The following PBX4 variants were observed in gnomAD, a reference collection of about 807,000 sequenced individuals.
PBX4 encodes pre-B-cell leukemia transcription factor 4.
Under a neutral mutation model 35.1 loss-of-function variants are expected in PBX4, and 26 were observed. The ratio of observed to expected loss-of-function variants is 0.74; its 90% CI spans 0.54 to 1.03. The LOEUF is 1.03. PBX4 is among the 50% of genes least tolerant of loss of function. The pLI, the probability that PBX4 is intolerant of heterozygous loss-of-function variation, is 0.00. For missense variants in PBX4, 448 were observed against 504.3 expected, an observed-to-expected ratio of 0.89 and a Z score of 1.07; for synonymous variants, 199 against 204.2, an observed-to-expected ratio of 0.97 and a Z score of 0.22.
chr19:19,600,790 C>G (rs1280741402), intron 1 of PBX4, among the ~76,000 whole-genome samples: 1 of 146,260 alleles, frequency 6.8e-6, no homozygotes. Context: ...GAACTCCAGC[C>G]TGGGCAACAG....
intron 2 of PBX4, among the ~76,000 whole-genome samples, chr19:19,572,475 T>C (rs1179505831): frequency 2.6e-5 from 4 of 152,042 alleles, no homozygotes; most frequent in Non-Finnish European, 5.9e-5. Flanking sequence ...GTCCCTTTCT[T>C]ATTCCCTACA....
At position 19,569,493 on chromosome 19, in the gene PBX4, C is replaced by T. The variant is rs1323959579; in HGVS notation, c.724G>A (p.Ala242Thr). The stretch of plus-strand genomic sequence containing the variant: ...CCCTTCCTGGCCAGCTCTTCTTTGG[C>T]TTCTTCGCTGGGGTAAGGGTTGTTC... ...HLNNPYPSEEAKEELARKGGL... is the reference protein window; with the variant it reads ...HLNNPYPSEETKEELARKGGL... Residue 242 changes from alanine to threonine, a missense_variant, in exon 5 of 8, where the codon GCC (alanine) becomes ACC (threonine). Transcript: ENST00000251203. 1 of 1,613,688 alleles carries T rather than the reference C, an allele frequency of 6.2e-7. No homozygotes were observed. Among genetic ancestry groups the T allele is most frequent in the Admixed American group, 1.7e-5 (1 of 59,958 alleles).
intron 2 of PBX4, among the ~76,000 whole-genome samples, chr19:19,594,106 A>AAAAAT (rs376246400): frequency 6.9e-6 from 1 of 145,224 alleles, no homozygotes. Flanking sequence ...AAAATAAAAA[A>AAAAAT]TAAAAAATTA....
chr19:19,596,147 T>C (rs1568392874), intron 2 of PBX4, among the ~76,000 whole-genome samples: 1 of 151,996 alleles, frequency 6.6e-6, no homozygotes. Flanking sequence ...ATCCCAGCAC[T>C]TTGGGAGGCT....
Position 19,570,810 on chromosome 19 carries a change from C to T in PBX4, c.217G>A (p.Asp73Asn). ...AGCTGGGCGTCAGGGGGATCTTCGT[C>T]TTGAATGCCACGGATGCTTACCACT... The part of the protein sequence containing the change: ...KTVVSIRGIQ[D>N]EDPPDAQLLR... The change falls in exon 3 of 8, where the codon GAC becomes AAC. Residue 73 changes from aspartate to asparagine, a missense_variant. By Grantham distance (23) the Asp-to-Asn change is conservative. Coordinates refer to ENST00000251203, the MANE Select transcript of PBX4 (RefSeq NM_025245.3). 6.2e-7 allele frequency: 1 copy of T among 1,614,070 alleles called. No individual in the cohort carries two copies. The highest frequency in any genetic ancestry group is 8.5e-7 in the Non-Finnish European group (1 of 1,180,032).
intron 2 of PBX4, among the ~76,000 whole-genome samples, chr19:19,589,939 T>C (rs539771204): frequency 6.6e-6 from 1 of 152,102 alleles, no homozygotes; most frequent in African/African-American, 2.4e-5. Context: ...TTTCCGTCAG[T>C]GGTTAAGCCC....
intron 2 of PBX4, among the ~76,000 whole-genome samples, chr19:19,588,608 AAAC>A (rs1166686817): frequency 1.3e-5 from 2 of 152,166 alleles, no homozygotes; most frequent in Non-Finnish European, 2.9e-5. Context: ...CTCTAATTTC[AAAC>A]AACAACAAAT....
chr19:19,611,206 G>C (rs1190045680), intron 1 of PBX4, among the ~76,000 whole-genome samples: 2 of 152,084 alleles, frequency 1.3e-5, no homozygotes, highest in African/African-American at 4.8e-5. Context: ...CACATTTCAG[G>C]TATCAGTTCA....
intron 2 of PBX4, among the ~76,000 whole-genome samples, chr19:19,583,169 C>T (rs549230566): frequency 4.8e-4 from 73 of 152,146 alleles, no homozygotes; most frequent in African/African-American, 1.8e-3. Context: ...ATCCCAGCTA[C>T]TTGGGAGGCT....
At chr19:19,604,554 G>A (rs1411899089) in intron 1 of PBX4, among the ~76,000 whole-genome samples, 1 of 133,464 alleles carries the variant, frequency 7.5e-6, no homozygotes, top group Non-Finnish European at 1.6e-5. Flanking sequence ...GGGATGAGAT[G>A]ACATATGAAC....
chr19:19,570,267 G>A lies in PBX4; in HGVS notation c.474C>T (p.Asn158=), dbSNP rs200663780. Residue 158 remains asparagine (N), a synonymous_variant, in exon 4 of 8, where the codon AAC becomes AAT. Coordinates refer to ENST00000251203, the MANE Select transcript of PBX4 (RefSeq NM_025245.3). ...TCATCCTGCTCTGCTCCTGGAGGAG[G>A]TTGGTGACGTGCGTGGTGAACTCAC... ...ACREFTTHVT[N]LLQEQSRMRP... The A allele has an allele frequency of 1.2e-4, 192 of 1,612,152 alleles. No homozygotes were observed. Among genetic ancestry groups the A allele is most frequent in the Non-Finnish European group, 1.6e-4 (191 of 1,178,948 alleles).
chr19:19,583,391 A>G (rs1403422034), intron 2 of PBX4, among the ~76,000 whole-genome samples: 1 of 152,012 alleles, frequency 6.6e-6, no homozygotes, highest in Non-Finnish European at 1.5e-5. Context: ...TGGGAAGATC[A>G]CTTCAGCTCA....
intron 1 of PBX4, among the ~76,000 whole-genome samples, chr19:19,610,744 G>A (rs1010325328): frequency 2.6e-5 from 4 of 152,136 alleles, no homozygotes; most frequent in Admixed American, 6.6e-5. Flanking sequence ...GATAGAGCAA[G>A]ACTCTGTGTC....
intron 1 of PBX4, among the ~76,000 whole-genome samples, chr19:19,603,996 A>C (rs1012852193): frequency 6.6e-6 from 1 of 151,528 alleles, no homozygotes; most frequent in Non-Finnish European, 1.5e-5. Flanking sequence ...ATGTGCATGT[A>C]GCAGAACTTC....
Position 19,563,354 on chromosome 19 carries a change from A to G in PBX4, c.1032+155T>C, listed in dbSNP as rs1283345296. Among the ~76,000 whole-genome samples the G allele has an allele frequency of 2.0e-5, 3 of 152,152 alleles. No individual in the cohort carries two copies. The highest frequency in any genetic ancestry group is 7.2e-5 in the African/African-American group (3 of 41,424). ...CAGTCATTACAGAGTGGGGCCCTGC[A>G]GAGCTGTGCCCCAGAGGTGGCCGCG... On this transcript the variant is annotated intron_variant, in intron 7 of 7. Coordinates refer to ENST00000251203, the MANE Select transcript of PBX4 (RefSeq NM_025245.3). This position sits in a 1 kb window ranked among gnomAD's most constrained non-coding sequence, Gnocchi z 5.1.
intron 2 of PBX4, among the ~76,000 whole-genome samples, chr19:19,577,837 G>GGGAGACTCCAGCCTGGCA (rs2061429689): frequency 6.8e-6 from 1 of 146,336 alleles, no homozygotes; most frequent in Non-Finnish European, 1.5e-5. Flanking sequence ...CCAGCCTGGC[G>GGGAGACTCCAGCCTGGCA]ACAAAGGGAG....
At chr19:19,615,345 TAA>T (rs564649103) in intron 1 of PBX4, among the ~76,000 whole-genome samples, 4 of 127,340 alleles carry the variant, frequency 3.1e-5, no homozygotes, top group Non-Finnish European at 3.4e-5. Context: ...CGGCCTTATA[TAA>T]AAAAAAAAAA....
rs1459773330 is a variant in PBX4, at chr19:19,563,877, G to T, written c.926-262C>A. The T allele has an allele frequency of 9.0e-6, 3 of 334,428 alleles. No homozygotes were observed. Among genetic ancestry groups the T allele is most frequent in the Admixed American group, 4.4e-5 (1 of 22,988 alleles). 20.7% of individuals were successfully genotyped at this position (334,428 alleles called of 1,614,324 possible). A position where few individuals can be genotyped will look rare whatever the true frequency, so the allele number is the denominator to read the frequency against. ...GGCTTGAGTGCAGTGGCACGATCTT[G>T]GCTCACTGCAAGCTCTGCCTCCCAG... is the stretch of plus-strand genomic sequence containing the variant. On this transcript the variant is annotated intron_variant, in intron 6 of 7. Transcript: ENST00000251203. The surrounding 1 kb of genome is among the most constrained non-coding windows in gnomAD (Gnocchi z 5.1).
chr19:19,612,069 G>T (rs1209843214), intron 1 of PBX4, among the ~76,000 whole-genome samples: 1 of 152,052 alleles, frequency 6.6e-6, no homozygotes, highest in Non-Finnish European at 1.5e-5. Context: ...AGGAGTTCTA[G>T]ACCAGCTTGG....
Sources: allele counts gnomAD v4.1 joint callset (sites outside exome capture counted in the v4.1 genomes callset), GRCh38; gene constraint gnomAD v4.1.1; non-coding constraint Gnocchi (gnomAD v3.1); transcripts MANE v1.5; gene names NCBI Gene and HGNC (gene_info 2026-07-23, HGNC 2026-07-21).